The following SCN10A variants were observed in gnomAD, a reference collection of about 807,000 sequenced individuals.
The protein encoded by SCN10A is sodium channel protein type 10 subunit alpha.
SCN10A carries 162 observed loss-of-function variants against 170.7 expected under a neutral mutation model. That is an observed-to-expected ratio of 0.95 (90% CI 0.84 to 1.08). SCN10A has a LOEUF of 1.08. Among genes scored for constraint, SCN10A ranks in the 50% least tolerant of loss-of-function variants. The pLI, the probability that SCN10A is intolerant of heterozygous loss-of-function variation, is 0.00. For synonymous variants in SCN10A, 985 were observed against 904.6 expected (o/e 1.09, Z -1.59); for missense variants, 2,527 against 2,436.9 (o/e 1.04, Z -0.78).
intron 27 of SCN10A, among the ~76,000 whole-genome samples, chr3:38,701,080 T>A (rs2063151635): frequency 6.6e-6 from 1 of 152,200 alleles, no homozygotes. Flanking sequence ...ATAAGGATAA[T>A]AACACCTGCT....
Position 38,713,946 on chromosome 3 carries a change from G to A in SCN10A, c.3804+12C>T. On this transcript the variant is annotated intron_variant, in intron 22 of 27. Transcript: ENST00000449082. ...CCTGGCCAGATGAGAGAAGTTTTGA[G>A]ATCAGACTTACCCGCATGCCTTCAA... 6.2e-7 allele frequency: 1 copy of A among 1,612,738 alleles called. No homozygotes were observed.
intron 4 of SCN10A, among the ~76,000 whole-genome samples, chr3:38,780,845 G>A (rs895041622): frequency 6.6e-6 from 1 of 152,098 alleles, no homozygotes; most frequent in Non-Finnish European, 1.5e-5. Flanking sequence ...GTGCAGTGGT[G>A]GTTCAAGAAG....
intron 26 of SCN10A, among the ~76,000 whole-genome samples, 183 bp downstream of exon 26, chr3:38,707,096 A>G (rs2063218416): frequency 6.6e-6 from 1 of 152,204 alleles, no homozygotes; most frequent in Non-Finnish European, 1.5e-5. Flanking sequence ...CCAGAAGACC[A>G]GAGTTGCTTC....
At chr3:38,712,546 T>C in intron 22 of SCN10A, 101 bp from the exon 23 acceptor site, 1 of 1,260,298 alleles carries the variant, frequency 7.9e-7, no homozygotes, top group East Asian at 2.4e-5. Flanking sequence ...CATGAGCCAG[T>C]GGCCTTTGGA....
intron 2 of SCN10A, 46 bp from the exon 3 acceptor site, chr3:38,792,214 A>G (rs376825175): frequency 1.4e-5 from 22 of 1,605,430 alleles, no homozygotes; most frequent in African/African-American, 5.4e-5. Flanking sequence ...GAGAAACAAG[A>G]TTCCTTATAC....
chr3:38,776,114 A>G (rs1234774531), intron 4 of SCN10A, among the ~76,000 whole-genome samples: 3 of 152,120 alleles, frequency 2.0e-5, no homozygotes, highest in South Asian at 2.1e-4. Context: ...CAGATAATAA[A>G]TTGGGTACTA....
chr3:38,808,161 T>C (rs2064417222), intron 1 of SCN10A, among the ~76,000 whole-genome samples: 1 of 152,128 alleles, frequency 6.6e-6, no homozygotes, highest in South Asian at 2.1e-4. Flanking sequence ...CTTTTCCTTG[T>C]TTCCCCCCTA....
At chr3:38,729,486 C>A (rs529430738) in intron 15 of SCN10A, among the ~76,000 whole-genome samples, 1 of 152,116 alleles carries the variant, frequency 6.6e-6, no homozygotes, top group East Asian at 1.9e-4. Flanking sequence ...AACCTACCCC[C>A]CAGAACTCCA....
In SCN10A at chr3:38,755,812, A is replaced by G; in HGVS notation, c.1437T>C (p.Ser479=). ...CCATCCTGCGCTGGTTGTAAGGATC[A>G]GAGCGGGGTGATTTGTTGTCTTCTG... ...GSTEDNKSPR[S]DPYNQRRMSF... The change falls in exon 11 of 28, where the codon TCT becomes TCC. Residue 479 remains serine (S), a synonymous_variant. Coordinates refer to ENST00000449082, the MANE Select transcript of SCN10A (RefSeq NM_006514.4). 6.2e-7 allele frequency: 1 copy of G among 1,613,952 alleles called. No individual in the cohort carries two copies. Among genetic ancestry groups the G allele is most frequent in the Non-Finnish European group, 8.5e-7 (1 of 1,180,026 alleles).
intron 21 of SCN10A, among the ~76,000 whole-genome samples, chr3:38,718,393 A>G (rs1478300991): frequency 6.6e-6 from 1 of 152,194 alleles, no homozygotes; most frequent in African/African-American, 2.4e-5. Flanking sequence ...TGGATGTAAA[A>G]ATGCAGAGGA....
In SCN10A at chr3:38,746,073, A is replaced by ATG. The variant is rs1553619569; in HGVS notation, c.1868-3545_1868-3544insCA. ...TATGTGTGTGTATGTGTATATATAT[A>ATG]TATATATATATATATATATATATAT... is the stretch of plus-strand genomic sequence containing the variant. On this transcript the variant is annotated intron_variant, in intron 13 of 27. Coordinates refer to ENST00000449082, the MANE Select transcript of SCN10A (RefSeq NM_006514.4). Among the ~76,000 whole-genome samples, 35 of 94,862 alleles carry ATG rather than the reference A, an allele frequency of 3.7e-4. 3 individuals are homozygous for ATG. In the East Asian group the frequency reaches 0.011, roughly 31 times the overall value. 62.2% of individuals were successfully genotyped at this position (94,862 alleles called of 152,430 possible). A position where few individuals can be genotyped will look rare whatever the true frequency, so the allele number is the denominator to read the frequency against.
intron 1 of SCN10A, among the ~76,000 whole-genome samples, chr3:38,798,437 G>A (rs889084015): frequency 4.6e-5 from 7 of 152,172 alleles, no homozygotes; most frequent in Admixed American, 2.0e-4. Flanking sequence ...AGATAGTGAC[G>A]GCTATAGTCC....
intron 1 of SCN10A, among the ~76,000 whole-genome samples, chr3:38,806,135 C>A (rs530998570): frequency 6.6e-6 from 1 of 152,178 alleles, no homozygotes; most frequent in South Asian, 2.1e-4. Context: ...AGAATAGGTG[C>A]ATTTATATTG....
chr3:38,719,656 G>A (rs1487581099), intron 20 of SCN10A, among the ~76,000 whole-genome samples: 1 of 152,066 alleles, frequency 6.6e-6, no homozygotes, highest in East Asian at 1.9e-4. Flanking sequence ...GCCTCCCAAA[G>A]TGCTGGGATT....
In SCN10A at chr3:38,697,625, A is replaced by G. The variant is rs1383571120; in HGVS notation, c.5595T>C (p.Tyr1865=). ...ATVIQKAYRS[Y]VLHRSMALSN... ...AGAGTGCCATGGAGCGGTGCAGCAC[A>G]TAGCTCCGATAGGCCTTTTGAATGA... The change falls in exon 28 of 28, where the codon TAT becomes TAC. Residue 1865 remains tyrosine (Y), a synonymous_variant. Coordinates refer to ENST00000449082, the MANE Select transcript of SCN10A (RefSeq NM_006514.4). The G allele has an allele frequency of 1.9e-6, 3 of 1,614,096 alleles. No homozygotes were observed. The highest frequency in any genetic ancestry group is 3.3e-5 in the Admixed American group (2 of 60,006).
At chr3:38,714,627 C>T (rs1342125638) in intron 21 of SCN10A, among the ~76,000 whole-genome samples, 1 of 152,122 alleles carries the variant, frequency 6.6e-6, no homozygotes, top group East Asian at 1.9e-4. Context: ...TACTTTCACC[C>T]TTTGTAAAAT....
intron 8 of SCN10A, among the ~76,000 whole-genome samples, chr3:38,758,594 C>A (rs2063834963): frequency 6.6e-6 from 1 of 152,208 alleles, no homozygotes; most frequent in Non-Finnish European, 1.5e-5. Context: ...CCTTGAGACC[C>A]CTGACCTTCC....
Position 38,725,260 on chromosome 3 carries a change from G to A in SCN10A, c.3142C>T (p.Pro1048Ser), listed in dbSNP as rs745545483. The A allele has an allele frequency of 1.2e-6, 2 of 1,603,302 alleles. No individual in the cohort carries two copies. Among genetic ancestry groups the A allele is most frequent in the South Asian group, 1.1e-5 (1 of 89,808 alleles). ...RCGDHLTPRS[P>S]GTGTSSEDLA... ...TCCTCAGAAGATGTTCCAGTGCCTG[G>A]GCTCCTGGGTGTCAGGTGGTCCCCA... Residue 1048 changes from proline to serine, a missense_variant, in exon 18 of 28, where the codon CCA becomes TCA. Transcript: ENST00000449082.
chr3:38,776,727 G>T (rs1468372812), intron 4 of SCN10A, among the ~76,000 whole-genome samples: 11 of 152,108 alleles, frequency 7.2e-5, no homozygotes, highest in Non-Finnish European at 7.4e-5. Context: ...GTAAGAATAA[G>T]TTGGAGTTCC....
Sources: allele counts gnomAD v4.1 joint callset (sites outside exome capture counted in the v4.1 genomes callset), GRCh38; gene constraint gnomAD v4.1.1; transcripts MANE v1.5; gene names NCBI Gene and HGNC (gene_info 2026-07-23, HGNC 2026-07-21).